Variants in KHDRBS2 observed in about 807,000 individuals in gnomAD.
KHDRBS2 encodes the protein KH domain-containing, RNA-binding, signal transduction-associated protein 2.
A neutral mutation model predicts 44.3 loss-of-function variants in KHDRBS2; 26 were observed. That is an observed-to-expected ratio of 0.59 (90% confidence interval 0.43 to 0.81). The LOEUF (loss-of-function observed/expected upper bound fraction) is 0.81. KHDRBS2 is among the 40% of genes least tolerant of loss of function. KHDRBS2 has a pLI of 0.00. For missense variants in KHDRBS2, 476 were observed against 433.1 expected (o/e 1.10, Z -0.88); for synonymous variants, 194 against 151.1 (o/e 1.28, Z -2.08).
At chr6:61,608,332 ATG>A in the KHDRBS2 span, among the ~76,000 whole-genome samples, 509 of 150,922 alleles carry the variant, frequency 3.4e-3, 2 homozygotes, top group Non-Finnish European at 5.2e-3. Flanking sequence ...ATATATACAT[ATG>A]TGTGTGTGTG....
At chr6:62,055,621 C>T (rs537059588) in intron 2 of KHDRBS2, among the ~76,000 whole-genome samples, 3 of 152,128 alleles carry the variant, frequency 2.0e-5, no homozygotes, top group South Asian at 4.1e-4. Context: ...AGTCTCAATC[C>T]TTGCAAGAGC....
chr6:61,697,975 T>C (rs1768107464), intron 7 of KHDRBS2, among the ~76,000 whole-genome samples: 1 of 152,174 alleles, frequency 6.6e-6, no homozygotes, highest in Non-Finnish European at 1.5e-5. Flanking sequence ...TAATTCCTTC[T>C]AGCAACTATC....
At chr6:62,071,856 A>G (rs903184961) in intron 2 of KHDRBS2, among the ~76,000 whole-genome samples, 2 of 152,126 alleles carry the variant, frequency 1.3e-5, no homozygotes, top group Non-Finnish European at 2.9e-5. Flanking sequence ...ACTTTAAAGT[A>G]GTTTTTTCCA....
At chr6:61,872,591 T>C (rs1030605064) in intron 6 of KHDRBS2, among the ~76,000 whole-genome samples, 3 of 152,082 alleles carry the variant, frequency 2.0e-5, no homozygotes, top group African/African-American at 7.2e-5. Context: ...TTAAACTTTA[T>C]TGACAGTAAT....
the KHDRBS2 span, among the ~76,000 whole-genome samples, chr6:61,655,455 A>T: frequency 2.0e-5 from 3 of 151,974 alleles, no homozygotes; most frequent in African/African-American, 4.8e-5. Context: ...GGGTTTCACC[A>T]TGTTGGTCAG....
At chr6:62,041,886 T>C (rs1435998960) in intron 3 of KHDRBS2, among the ~76,000 whole-genome samples, 1 of 152,030 alleles carries the variant, frequency 6.6e-6, no homozygotes, top group Non-Finnish European at 1.5e-5. Flanking sequence ...TTATGGCTTT[T>C]TTTTCTTTCT....
chr6:61,858,898 A>G (rs1355044609), intron 6 of KHDRBS2, among the ~76,000 whole-genome samples: 2 of 151,934 alleles, frequency 1.3e-5, no homozygotes, highest in Admixed American at 1.3e-4. Context: ...TTAATATTCA[A>G]CTTATTGTAT....
chr6:62,243,418 C>A (rs2150169180), intron 1 of KHDRBS2, among the ~76,000 whole-genome samples: 1 of 152,042 alleles, frequency 6.6e-6, no homozygotes, highest in South Asian at 2.1e-4. Context: ...GATTCAGTAA[C>A]CTCAACATAG....
chr6:62,143,068 A>C (rs1279325843), intron 2 of KHDRBS2, among the ~76,000 whole-genome samples: 1 of 151,954 alleles, frequency 6.6e-6, no homozygotes, highest in African/African-American at 2.4e-5. Context: ...AAGCTCAATA[A>C]CAGAGTTACC....
the KHDRBS2 span, among the ~76,000 whole-genome samples, chr6:61,547,338 C>T: frequency 2.0e-5 from 3 of 152,054 alleles, no homozygotes; most frequent in Non-Finnish European, 4.4e-5. Context: ...TTAAAATTTG[C>T]TATTTATTAA....
chr6:62,280,705 A>G (rs1398375888), intron 1 of KHDRBS2, among the ~76,000 whole-genome samples: 2 of 152,372 alleles, frequency 1.3e-5, no homozygotes, highest in East Asian at 1.9e-4. Context: ...GGCAAGTGAA[A>G]GAAGTATTCT....
intron 8 of KHDRBS2, among the ~76,000 whole-genome samples, chr6:61,682,332 T>A (rs1472849342): frequency 6.6e-6 from 1 of 151,914 alleles, no homozygotes; most frequent in Admixed American, 6.6e-5. Flanking sequence ...GGCATTATTA[T>A]TACAACTGAT....
At chr6:62,251,854 A>G (rs1836595520) in intron 1 of KHDRBS2, among the ~76,000 whole-genome samples, 1 of 151,960 alleles carries the variant, frequency 6.6e-6, no homozygotes, top group Non-Finnish European at 1.5e-5. Context: ...ATTATTAAAA[A>G]ATAGTAAATG....
chr6:62,180,354 T>C (rs1822012529), intron 1 of KHDRBS2, among the ~76,000 whole-genome samples: 1 of 151,804 alleles, frequency 6.6e-6, no homozygotes. Context: ...AGTTGCAAAA[T>C]ATAAAATCAA....
chr6:61,826,615 C>T (rs894084816), intron 6 of KHDRBS2, among the ~76,000 whole-genome samples: 7 of 152,048 alleles, frequency 4.6e-5, no homozygotes, highest in Non-Finnish European at 7.4e-5. Context: ...CTGGTCGATG[C>T]TAGCAACCTG....
intron 2 of KHDRBS2, among the ~76,000 whole-genome samples, chr6:62,060,983 C>T (rs1221908295): frequency 6.6e-6 from 1 of 151,896 alleles, no homozygotes; most frequent in Non-Finnish European, 1.5e-5. Flanking sequence ...TTATCAGAGA[C>T]TAGGATTGCA....
the KHDRBS2 span, among the ~76,000 whole-genome samples, chr6:61,573,769 A>T: frequency 6.7e-6 from 1 of 149,470 alleles, no homozygotes; most frequent in East Asian, 2.0e-4. Flanking sequence ...AGCCTGGGCA[A>T]CAAGAGCGAA....
the KHDRBS2 span, among the ~76,000 whole-genome samples, chr6:61,605,080 G>T: frequency 6.6e-6 from 1 of 152,088 alleles, no homozygotes; most frequent in African/African-American, 2.4e-5. Flanking sequence ...ACTTAAAAAG[G>T]ACTGGACAAT....
chr6:61,799,620 C>T (rs1347544731), intron 6 of KHDRBS2, among the ~76,000 whole-genome samples: 1 of 151,834 alleles, frequency 6.6e-6, no homozygotes, highest in East Asian at 1.9e-4. Context: ...CACATAAAAC[C>T]AAAACCTGCC....
Sources: gnomAD v4.1 joint callset for allele counts (sites outside exome capture counted in the v4.1 genomes callset) on GRCh38, gnomAD v4.1.1 for gene constraint, MANE v1.5 for transcripts, NCBI Gene and HGNC (gene_info 2026-07-23, HGNC 2026-07-21) for gene names.